UACA: variants seen among roughly 807,000 people sequenced by gnomAD.
UACA encodes the protein uveal autoantigen with coiled-coil domains and ankyrin repeats.
Under a neutral mutation model 160.5 loss-of-function variants are expected in UACA, and 112 were observed. The observed-to-expected ratio is 0.70, with a 90% CI of 0.60 to 0.82. UACA has a LOEUF of 0.82. Ranked by LOEUF, UACA falls within the 40% of genes least tolerant of loss-of-function variation. The pLI is 0.00. For synonymous variants in UACA, 557 were observed against 568.4 expected (o/e 0.98, Z 0.29); for missense variants, 1,574 against 1,614.6 (o/e 0.97, Z 0.43).
At chr15:70,707,568 TCAACAACAA>T (rs953230208) in intron 1 of UACA, among the ~76,000 whole-genome samples, 1 of 151,858 alleles carries the variant, frequency 6.6e-6, no homozygotes, top group Non-Finnish European at 1.5e-5. Context: ...TTACTATGAC[TCAACAACAA>T]CAACAACAAA....
At chr15:70,673,490 T>C (rs1379028972) in intron 13 of UACA, among the ~76,000 whole-genome samples, 2 of 152,200 alleles carry the variant, frequency 1.3e-5, no homozygotes, top group Non-Finnish European at 2.9e-5. Flanking sequence ...AAAAAATACC[T>C]ATAAGCTTAG....
In UACA at chr15:70,690,466, G is replaced by C. The variant is rs375703457; in HGVS notation, c.412C>G (p.Leu138Val). ...EHADLQGRTA[L>V]HDAAMADCPS... ...AACCACTGCTCACCGGCATCGTGAAGTGCAGTTCTTCCCTGCAGGTCTGCA... is the reference window on the plus strand; with the variant it reads ...AACCACTGCTCACCGGCATCGTGAACTGCAGTTCTTCCCTGCAGGTCTGCA... The change falls in exon 5 of 19, where the codon CTT becomes GTT. Residue 138 changes from leucine to valine, a missense_variant. By Grantham distance (32) the Leu-to-Val change is conservative. Coordinates refer to ENST00000322954, the MANE Select transcript of UACA (RefSeq NM_018003.4). The C allele has an allele frequency of 6.2e-7, 1 of 1,612,994 alleles. No individual in the cohort carries two copies. The highest frequency in any genetic ancestry group is 1.1e-5 in the South Asian group (1 of 90,894).
At chr15:70,774,412 G>C in the UACA span, among the ~76,000 whole-genome samples, 2 of 151,978 alleles carry the variant, frequency 1.3e-5, no homozygotes, top group Non-Finnish European at 2.9e-5. Flanking sequence ...CAGGCGTGGT[G>C]GTGGGCGCCT....
chr15:70,696,011 G>A (rs1214975893), intron 2 of UACA, among the ~76,000 whole-genome samples: 1 of 152,090 alleles, frequency 6.6e-6, no homozygotes, highest in East Asian at 1.9e-4. Flanking sequence ...GTTGGCAAAG[G>A]ATGTTGAACT....
chr15:70,717,736 G>C (rs1898861767), intron 1 of UACA, among the ~76,000 whole-genome samples: 1 of 152,146 alleles, frequency 6.6e-6, no homozygotes, highest in Non-Finnish European at 1.5e-5. Flanking sequence ...GTGTCAGTTT[G>C]GTTCTGCTAT....
At chr15:70,726,860 T>C (rs1262706224) in intron 1 of UACA, among the ~76,000 whole-genome samples, 1 of 152,124 alleles carries the variant, frequency 6.6e-6, no homozygotes, top group Non-Finnish European at 1.5e-5. Context: ...GAACCACAAC[T>C]GAGCTGAGCC....
chr15:70,662,544 G>A (rs924029950), intron 17 of UACA, among the ~76,000 whole-genome samples: 8 of 152,142 alleles, frequency 5.3e-5, no homozygotes, highest in African/African-American at 1.7e-4. Context: ...AAAAGAGCCT[G>A]CATCGCCAAG....
At chr15:70,745,811 A>G (rs1485528905) in intron 1 of UACA, among the ~76,000 whole-genome samples, 2 of 81,212 alleles carry the variant, frequency 2.5e-5, no homozygotes, top group African/African-American at 5.6e-5. Flanking sequence ...AACACCACAC[A>G]TCTACAACCA....
chr15:70,758,605 T>C (rs1289448297), intron 1 of UACA: 1 of 152,220 alleles, frequency 6.6e-6, no homozygotes, highest in Non-Finnish European at 1.5e-5. Context: ...TAATCCTTTA[T>C]GCTTTCTAAA....
At chr15:70,684,233 G>T in intron 8 of UACA, 32 bp downstream of exon 8, 1 of 1,555,708 alleles carries the variant, frequency 6.4e-7, no homozygotes, top group South Asian at 1.2e-5. Flanking sequence ...TTGTTAATGT[G>T]GACTTTTCTA....
the UACA span, among the ~76,000 whole-genome samples, chr15:70,777,456 G>T: frequency 2.6e-5 from 4 of 152,068 alleles, no homozygotes; most frequent in Non-Finnish European, 4.4e-5. Context: ...TAGAGGCCAA[G>T]GACTAAGCTC....
intron 1 of UACA, among the ~76,000 whole-genome samples, chr15:70,720,664 A>G (rs1218559113): frequency 6.6e-6 from 1 of 152,246 alleles, no homozygotes; most frequent in Non-Finnish European, 1.5e-5. Flanking sequence ...AAATTCTTAG[A>G]GTATTTTCCT....
At position 70,668,689 on chromosome 15, in the gene UACA, T is replaced by C. The variant is rs1267339515; in HGVS notation, c.1995A>G (p.Arg665=). The change falls in exon 16 of 19, where the codon AGA becomes AGG. Residue 665 remains arginine (R), a synonymous_variant. Coordinates refer to ENST00000322954, the MANE Select transcript of UACA (RefSeq NM_018003.4). ...CATTCTCAAGTTCTCTCTTTAACTG[T>C]CTAATTTCACTAAGTGATTTTTCAT... The part of the protein sequence containing the change: ...REHEKSLSEI[R]QLKRELENVK... 6.2e-7 allele frequency: 1 copy of C among 1,614,036 alleles called. No individual in the cohort carries two copies. The highest frequency in any genetic ancestry group is 8.5e-7 in the Non-Finnish European group (1 of 1,179,988).
chr15:70,771,985 G>A, the UACA span, among the ~76,000 whole-genome samples: 1 of 152,174 alleles, frequency 6.6e-6, no homozygotes, highest in African/African-American at 2.4e-5. Flanking sequence ...GAAGGATTTC[G>A]AATTGTGTTC....
chr15:70,683,212 A>G (rs916995829), intron 8 of UACA, among the ~76,000 whole-genome samples: 1 of 152,098 alleles, frequency 6.6e-6, no homozygotes, highest in Non-Finnish European at 1.5e-5. Flanking sequence ...ATAAAAAATT[A>G]GCTGGCCATG....
chr15:70,752,085 A>T (rs1246167539), intron 1 of UACA, among the ~76,000 whole-genome samples: 1 of 151,982 alleles, frequency 6.6e-6, no homozygotes, highest in African/African-American at 2.4e-5. Flanking sequence ...AAAAATGCAA[A>T]AAATTAGCTG....
intron 1 of UACA, among the ~76,000 whole-genome samples, chr15:70,745,853 C>A (rs1346424287): frequency 6.6e-6 from 1 of 152,120 alleles, no homozygotes. Flanking sequence ...CAAAAACAGG[C>A]AGTGGGGAAA....
At chr15:70,715,810 G>A (rs1898804672) in intron 1 of UACA, among the ~76,000 whole-genome samples, 2 of 151,960 alleles carry the variant, frequency 1.3e-5, no homozygotes, top group Admixed American at 6.5e-5. Flanking sequence ...TAAAAACACA[G>A]CATTATAAAT....
the UACA span, among the ~76,000 whole-genome samples, chr15:70,774,112 T>C: frequency 1.3e-5 from 2 of 152,222 alleles, no homozygotes; most frequent in Admixed American, 1.3e-4. Flanking sequence ...ATTGAGATAT[T>C]ACCATGTGCC....
Sources: allele counts gnomAD v4.1 joint callset (sites outside exome capture counted in the v4.1 genomes callset), GRCh38; gene constraint gnomAD v4.1.1; transcripts MANE v1.5; gene names NCBI Gene and HGNC (gene_info 2026-07-23, HGNC 2026-07-21).